Variants in IPO7 observed in about 807,000 individuals in gnomAD.
The protein encoded by IPO7 is importin 7.
In IPO7, 13 loss-of-function variants were observed where a neutral mutation model predicts 136.4. The observed-to-expected ratio is 0.10, with a 90% CI of 0.06 to 0.15. IPO7 has a LOEUF of 0.15. IPO7 is among the 10% of genes least tolerant of loss of function. The pLI, the probability that IPO7 is intolerant of heterozygous loss-of-function variation, is 1.00. For synonymous variants in IPO7, 403 were observed against 404.4 expected, an observed-to-expected ratio of 1.00 and a Z score of 0.04; for missense variants, 857 against 1,240.6, an observed-to-expected ratio of 0.69 and a Z score of 4.65.
intron 2 of IPO7, among the ~76,000 whole-genome samples, chr11:9,407,060 C>A (rs1438308027): frequency 1.3e-5 from 2 of 151,906 alleles, no homozygotes; most frequent in Admixed American, 6.6e-5. Context: ...ATTGTTGGGG[C>A]AAAAAATGTT....
rs918718127 is a variant in IPO7, at chr11:9,407,170, G to A, written c.167-1316G>A. On this transcript the variant is annotated intron_variant, in intron 2 of 24. Transcript: ENST00000379719. ...ACATTGGGACTGTTGTGTGGTCTTAGTATTGGTCTCTATTCTGTTTTGGAG... is the reference window on the plus strand; with the variant it reads ...ACATTGGGACTGTTGTGTGGTCTTAATATTGGTCTCTATTCTGTTTTGGAG... Among the ~76,000 whole-genome samples the A allele has an allele frequency of 2.0e-5, 3 of 152,328 alleles. 1 individual carries two copies. The Middle Eastern group carries it at 0.01, about 518-fold the overall frequency.
intron 5 of IPO7, among the ~76,000 whole-genome samples, chr11:9,415,293 G>A (rs1228913653): frequency 6.6e-6 from 1 of 151,602 alleles, no homozygotes; most frequent in Non-Finnish European, 1.5e-5. Flanking sequence ...TTGCACTCCA[G>A]CCTGGGCAAC....
At chr11:9,420,763 T>C (rs771839241) in intron 8 of IPO7, 65 bp downstream of exon 8, 1 of 1,094,230 alleles carries the variant, frequency 9.1e-7, no homozygotes, top group African/African-American at 1.6e-5. Flanking sequence ...ATATATTGCT[T>C]ATTCCCAGTT....
chr11:9,421,113 C>T (rs547309781), intron 8 of IPO7, among the ~76,000 whole-genome samples: 24 of 151,992 alleles, frequency 1.6e-4, no homozygotes, highest in African/African-American at 5.5e-4. Flanking sequence ...AGGCATGTGC[C>T]ACCACACCCA....
intron 1 of IPO7, among the ~76,000 whole-genome samples, chr11:9,390,977 C>T (rs560590545): frequency 1.1e-3 from 163 of 152,182 alleles, no homozygotes; most frequent in African/African-American, 3.7e-3. Flanking sequence ...ACCTTGTTGG[C>T]CAGGCTGGTC....
Position 9,421,826 on chromosome 11 carries a change from C to T in IPO7, c.906+1128C>T, listed in dbSNP as rs180961158. Among the ~76,000 whole-genome samples the T allele has an allele frequency of 4.5e-3, 680 of 152,136 alleles. 6 individuals are homozygous for T. The highest frequency in any genetic ancestry group is 8.0e-3 in the Admixed American group (122 of 15,258). ...GGGCGTGGTGGCGGGCGCCTGTATT[C>T]CCAGCTGCTTGGGAGGCTGAGGCAA... is the stretch of plus-strand genomic sequence containing the variant. On this transcript the variant is annotated intron_variant, in intron 8 of 24. Transcript: ENST00000379719.
At position 9,424,936 on chromosome 11, in the gene IPO7, T is replaced by C; in HGVS notation, c.1164T>C (p.Ser388=). The C allele has an allele frequency of 6.3e-7, 1 of 1,591,126 alleles. No individual in the cohort carries two copies. The highest frequency in any genetic ancestry group is 8.5e-7 in the Non-Finnish European group (1 of 1,169,858). Residue 388 remains serine, a synonymous_variant, in exon 11 of 25, where the codon TCT becomes TCC. Transcript: ENST00000379719. The part of the protein sequence containing the change: ...MKFDVFEDFI[S]PTTAAQTLLF... The stretch of plus-strand genomic sequence containing the variant: ...TAGATGTGTTTGAAGATTTCATTTC[T>C]CCTACCACTGCTGCCCAGACACTTT...
chr11:9,423,622 A>G (rs564056013), intron 9 of IPO7, among the ~76,000 whole-genome samples, 155 bp from the exon 10 acceptor site: 8 of 152,316 alleles, frequency 5.3e-5, no homozygotes, highest in African/African-American at 1.4e-4. Context: ...ATGTAGTTTG[A>G]TAGTTGATCT....
chr11:9,404,519 T>C (rs1213607150), intron 2 of IPO7, among the ~76,000 whole-genome samples: 1 of 151,866 alleles, frequency 6.6e-6, no homozygotes, highest in East Asian at 1.9e-4. Flanking sequence ...CTTAATGTTG[T>C]ATACTGAGCA....
At chr11:9,422,537 A>C (rs1855148474) in intron 8 of IPO7, among the ~76,000 whole-genome samples, 1 of 152,300 alleles carries the variant, frequency 6.6e-6, no homozygotes, top group Admixed American at 6.5e-5. Flanking sequence ...TGAAACATGA[A>C]GTAGAGTTAG....
chr11:9,415,080 G>A (rs1490488215), intron 5 of IPO7, among the ~76,000 whole-genome samples: 3 of 152,016 alleles, frequency 2.0e-5, no homozygotes, highest in Non-Finnish European at 2.9e-5. Context: ...CACTTTGGGA[G>A]GCTGTGGTGG....
chr11:9,404,389 T>C (rs1000973099), intron 2 of IPO7, among the ~76,000 whole-genome samples: 24 of 151,200 alleles, frequency 1.6e-4, no homozygotes, highest in African/African-American at 4.1e-4. Flanking sequence ...GGCGTGAACC[T>C]GGGAGGCGGA....
intron 5 of IPO7, among the ~76,000 whole-genome samples, chr11:9,416,619 AG>A (rs1855045714): frequency 6.6e-6 from 1 of 152,240 alleles, no homozygotes; most frequent in African/African-American, 2.4e-5. Flanking sequence ...CAGGAATACA[AG>A]AATGGATCAA....
chr11:9,422,511 TTG>T (rs1007541932), intron 8 of IPO7, among the ~76,000 whole-genome samples: 5 of 152,164 alleles, frequency 3.3e-5, no homozygotes, highest in Admixed American at 6.5e-5. Context: ...GGACCACATT[TTG>T]TGTGTCAGTG....
In IPO7 at chr11:9,429,682, T is replaced by C; in HGVS notation, c.1600T>C (p.Tyr534His). 2 of 1,605,008 alleles carry C rather than the reference T, an allele frequency of 1.2e-6. No individual in the cohort carries two copies. Among genetic ancestry groups the C allele is most frequent in the Non-Finnish European group, 1.7e-6 (2 of 1,177,998 alleles). Reference sequence around the variant, plus strand: ...TACTCTTTCTCTTACAGCTAAAGAATATATCACACCATTCATCAGACCTGT... The same window carrying C: ...TACTCTTTCTCTTACAGCTAAAGAACATATCACACCATTCATCAGACCTGT... ...LISNQEKAKE[Y>H]ITPFIRPVMQ... Residue 534 changes from tyrosine to histidine, a missense_variant, in exon 15 of 25, where the codon TAT becomes CAT. Around this residue, in one of 11 missense-constraint regions of IPO7, gnomAD observed 58 missense variants for 122.1 expected, o/e 0.47. Coordinates refer to ENST00000379719, the MANE Select transcript of IPO7 (RefSeq NM_006391.3).
At chr11:9,440,946 C>G (rs370264304) in intron 23 of IPO7, among the ~76,000 whole-genome samples, 2 of 152,310 alleles carry the variant, frequency 1.3e-5, no homozygotes, top group East Asian at 3.9e-4. Context: ...TTCCCAATCT[C>G]CCAGCTTTCC....
chr11:9,443,579 G>A (rs1321710376), intron 24 of IPO7, among the ~76,000 whole-genome samples: 8 of 134,242 alleles, frequency 6.0e-5, no homozygotes, highest in South Asian at 4.8e-4. Flanking sequence ...CAACAAGAGC[G>A]AAACTCCGTC....
At chr11:9,428,740 A>C (rs1855248532) in intron 13 of IPO7, 111 bp downstream of exon 13, 1 of 805,448 alleles carries the variant, frequency 1.2e-6, no homozygotes, top group Admixed American at 1.7e-5. Flanking sequence ...GTCTTATTTT[A>C]GGTTTCTGTT....
chr11:9,400,744 G>T (rs960780091), intron 1 of IPO7, among the ~76,000 whole-genome samples: 1 of 152,040 alleles, frequency 6.6e-6, no homozygotes, highest in African/African-American at 2.4e-5. Context: ...AATTTTTGGA[G>T]TGATTGAAAG....
Sources: allele counts gnomAD v4.1 joint callset (sites outside exome capture counted in the v4.1 genomes callset), GRCh38; gene constraint gnomAD v4.1.1; regional missense constraint gnomAD v4.1.1; transcripts MANE v1.5; gene names NCBI Gene and HGNC (gene_info 2026-07-23, HGNC 2026-07-21).